Variants in SHROOM4 observed in about 807,000 individuals in gnomAD.
SHROOM4 encodes protein Shroom4.
A neutral mutation model predicts 80.3 loss-of-function variants in SHROOM4; 17 were observed. That is an observed-to-expected ratio of 0.21 (90% CI 0.14 to 0.32). The LOEUF is 0.32. Ranked by LOEUF, SHROOM4 falls within the 10% of genes least tolerant of loss-of-function variation. The pLI, the probability that SHROOM4 is intolerant of heterozygous loss-of-function variation, is 1.00. For synonymous variants in SHROOM4, 400 were observed against 437.5 expected (o/e 0.91, Z 1.07); for missense variants, 993 against 1,140.3 (o/e 0.87, Z 1.86).
chrX:50,606,079 T>TC (rs1491202203), intron 6 of SHROOM4, among the ~76,000 whole-genome samples: 1 of 19,828 alleles, frequency 5.0e-5, no homozygotes, highest in African/African-American at 1.1e-4. Context: ...TGAAGGATTC[T>TC]TTTTTTTTTT....
chrX:50,640,083 G>A (rs1288563519), intron 2 of SHROOM4, among the ~76,000 whole-genome samples: 2 of 111,516 alleles, frequency 1.8e-5, no homozygotes, highest in Non-Finnish European at 3.8e-5. Context: ...CCACACTGCC[G>A]GGAAATCTCT....
chrX:50,708,753 TA>T (rs782800063), intron 1 of SHROOM4, among the ~76,000 whole-genome samples: 3 of 111,282 alleles, frequency 2.7e-5, no homozygotes, highest in Non-Finnish European at 5.7e-5. Flanking sequence ...GCGGGAAGGA[TA>T]AAGGAGCTCC....
At chrX:50,798,093 A>G (rs1272724869) in intron 1 of SHROOM4, among the ~76,000 whole-genome samples, 1 of 111,092 alleles carries the variant, frequency 9.0e-6, no homozygotes, top group Non-Finnish European at 1.9e-5. Flanking sequence ...ATTTATTGAC[A>G]GAGAGGGCAG....
chrX:50,606,042 C>T (rs941989320), intron 6 of SHROOM4, among the ~76,000 whole-genome samples: 8 of 108,187 alleles, frequency 7.4e-5, no homozygotes, highest in Non-Finnish European at 1.3e-4. Flanking sequence ...AGAAGAACAG[C>T]TTGAGAAGCA....
chrX:50,621,418 G>A (rs143007724), intron 5 of SHROOM4, among the ~76,000 whole-genome samples: 2,705 of 111,199 alleles, frequency 0.024, 81 homozygotes, highest in African/African-American at 0.083. Context: ...TGGTATTTCC[G>A]CCCACTTACT....
chrX:50,638,313 A>G lies in SHROOM4; in HGVS notation c.270-5T>C, dbSNP rs1557256551. ...CTACTGACAGGGGCGTTCCTCCTAC[A>G]GCAAGAAAGGGACAGGAAGTGGGCT... On this transcript the variant is annotated splice_polypyrimidine_tract_variant and splice_region_variant and intron_variant, in intron 2 of 8. Coordinates refer to ENST00000376020, the MANE Select transcript of SHROOM4 (RefSeq NM_020717.5). The G allele has an allele frequency of 1.7e-6, 2 of 1,211,859 alleles. No homozygotes were observed. The highest frequency in any genetic ancestry group is 4.3e-5 in the Admixed American group (2 of 46,103).
chrX:50,760,187 A>G (rs1935122100), intron 1 of SHROOM4, among the ~76,000 whole-genome samples: 1 of 110,916 alleles, frequency 9.0e-6, no homozygotes, highest in South Asian at 3.7e-4. Flanking sequence ...TGAATTGTCT[A>G]TTTTATCTTC....
chrX:50,694,543 A>ATTTTT lies in SHROOM4; in HGVS notation c.269+1238_269+1242dup, dbSNP rs782530547. Among the ~76,000 whole-genome samples, 23 of 12,490 alleles carry ATTTTT rather than the reference A, an allele frequency of 1.8e-3. 8 individuals are homozygous for ATTTTT. The highest frequency in any genetic ancestry group is 0.5 in the Middle Eastern group (2 of 4). The allele number at this position is 12,490 out of a possible 115,157, so 10.8% of individuals were successfully genotyped here. A position where few individuals can be genotyped will look rare whatever the true frequency, so the allele number is the denominator to read the frequency against. On this transcript the variant is annotated intron_variant, in intron 2 of 8. Transcript: ENST00000376020. ...AGGTCTTTGCCCATTTTTAAGTTGG[A>ATTTTT]TTTTTTTTTTTTTTTTTTTTTTTTT...
intron 3 of SHROOM4, 54 bp downstream of exon 3, chrX:50,638,120 G>A (rs1441784733): frequency 3.4e-6 from 4 of 1,168,014 alleles, no homozygotes; most frequent in Non-Finnish European, 4.6e-6. Flanking sequence ...AGGAGGAGGA[G>A]TGTCCAAGGT....
Position 50,813,946 on chromosome X carries a change from G to A in SHROOM4, c.73C>T (p.Leu25Phe). The change falls in exon 1 of 9, where the codon CTT (leucine) becomes TTT (phenylalanine). Residue 25 changes from leucine (L) to phenylalanine (F), a missense_variant. Transcript: ENST00000376020. ...TCACAGTGTTCCAGACCCCCCTTAA[G>A]GGTGAAGCCCCAGGGTGCCCCCCCT... is the stretch of plus-strand genomic sequence containing the variant. ...LQGGAPWGFT[L>F]KGGLEHCEPL... is the part of the protein sequence containing the mutation. 3 of 1,207,988 alleles carry A rather than the reference G, an allele frequency of 2.5e-6. No homozygotes were observed. The highest frequency in any genetic ancestry group is 3.4e-6 in the Non-Finnish European group (3 of 893,256).
chrX:50,577,870 A>C, the SHROOM4 span, among the ~76,000 whole-genome samples: 17 of 111,394 alleles, frequency 1.5e-4, 1 homozygote, highest in East Asian at 3.4e-3. Context: ...CAAATCCCCA[A>C]AGTTGATGAG....
chrX:50,805,006 T>G (rs1220003818), intron 1 of SHROOM4, among the ~76,000 whole-genome samples: 1 of 111,630 alleles, frequency 9.0e-6, no homozygotes, highest in Non-Finnish European at 1.9e-5. Context: ...AGCTTCAAGA[T>G]GTCATCACTC....
chrX:50,724,170 A>G (rs781828979), intron 1 of SHROOM4, among the ~76,000 whole-genome samples: 32 of 111,254 alleles, frequency 2.9e-4, no homozygotes, highest in Non-Finnish European at 5.6e-4. Flanking sequence ...CTTGCCTGTT[A>G]CAGCATGGCC....
intron 2 of SHROOM4, among the ~76,000 whole-genome samples, chrX:50,675,723 GAAAGGGCAC>G (rs1932846530): frequency 9.0e-6 from 1 of 111,181 alleles, no homozygotes; most frequent in East Asian, 2.8e-4. Flanking sequence ...GTTACATACT[GAAAGGGCAC>G]ACTGAGAAGC....
At chrX:50,581,434 A>G in the SHROOM4 span, among the ~76,000 whole-genome samples, 1 of 111,581 alleles carries the variant, frequency 9.0e-6, no homozygotes, top group Non-Finnish European at 1.9e-5. Flanking sequence ...TGATGGATGA[A>G]TAACATATAC....
At chrX:50,786,204 T>C (rs1210765473) in intron 1 of SHROOM4, among the ~76,000 whole-genome samples, 7 of 111,878 alleles carry the variant, frequency 6.3e-5, no homozygotes, top group Admixed American at 4.7e-4. Context: ...TTAGACCACA[T>C]GTCCAGTGCC....
chrX:50,743,207 G>T (rs1934704515), intron 1 of SHROOM4, among the ~76,000 whole-genome samples: 2 of 107,227 alleles, frequency 1.9e-5, no homozygotes, highest in South Asian at 8.6e-4. Flanking sequence ...TCCAGTCCTA[G>T]AACCAGCCAT....
At chrX:50,696,738 T>C (rs148583514) in intron 1 of SHROOM4, among the ~76,000 whole-genome samples, 9 of 112,042 alleles carry the variant, frequency 8.0e-5, no homozygotes, top group Non-Finnish European at 1.5e-4. Context: ...AAGCTGGAAA[T>C]ATGGGTATTT....
chrX:50,776,138 AG>A (rs1332439360), intron 1 of SHROOM4, among the ~76,000 whole-genome samples: 1 of 110,982 alleles, frequency 9.0e-6, no homozygotes, highest in Non-Finnish European at 1.9e-5. Flanking sequence ...CTAAGAAACC[AG>A]GCCCCCAACA....
Sources: gnomAD v4.1 joint callset for allele counts (sites outside exome capture counted in the v4.1 genomes callset) on GRCh38, gnomAD v4.1.1 for gene constraint, MANE v1.5 for transcripts, NCBI Gene and HGNC (gene_info 2026-07-23, HGNC 2026-07-21) for gene names.